Variants in ZNRF1 observed in about 807,000 individuals in gnomAD.
ZNRF1 encodes zinc and ring finger 1.
Under a neutral mutation model 18.4 loss-of-function variants are expected in ZNRF1, and 3 were observed. The observed-to-expected ratio is 0.16, with a 90% CI of 0.07 to 0.42. The LOEUF is 0.42. Among genes scored for constraint, ZNRF1 ranks in the 10% least tolerant of loss-of-function variants. ZNRF1 has a pLI of 0.99. For missense variants in ZNRF1, 310 were observed against 329.8 expected, an observed-to-expected ratio of 0.94 and a Z score of 0.47; for synonymous variants, 157 against 144.2, an observed-to-expected ratio of 1.09 and a Z score of -0.64.
Position 75,062,530 on chromosome 16 carries a change from CG to C in ZNRF1, c.425-31041del, listed in dbSNP as rs766573552. ...CACAGCAGCTTTGGCCGCATGCCCC[CG>C]AGCTCCCTTTGTCATCTATGTGTGT... is the stretch of plus-strand genomic sequence containing the variant. On this transcript the variant is annotated intron_variant, in intron 1 of 4. Coordinates refer to ENST00000335325, the MANE Select transcript of ZNRF1 (RefSeq NM_032268.5). Among the ~76,000 whole-genome samples the C allele has an allele frequency of 2.3e-4, 35 of 152,256 alleles. 1 individual carries two copies. The highest frequency in any genetic ancestry group is 4.6e-4 in the Admixed American group (7 of 15,288).
At chr16:75,021,558 AAGTGTTTTTATTTGTC>A (rs1334999916) in intron 1 of ZNRF1, among the ~76,000 whole-genome samples, 8 of 152,182 alleles carry the variant, frequency 5.3e-5, no homozygotes, top group African/African-American at 1.9e-4. Flanking sequence ...GCTTACCTAA[AAGTGTTTTTATTTGTC>A]ATAACCATTG....
chr16:75,087,798 A>G (rs1182473733), intron 1 of ZNRF1, among the ~76,000 whole-genome samples: 2 of 152,242 alleles, frequency 1.3e-5, no homozygotes, highest in Non-Finnish European at 2.9e-5. Flanking sequence ...AGGCTTGGCC[A>G]GCAAGCCCGA....
intron 2 of ZNRF1, chr16:75,095,608 A>G (rs2036188800): frequency 1.3e-6 from 2 of 1,547,092 alleles, no homozygotes; most frequent in Non-Finnish European, 1.7e-6. Flanking sequence ...GAAGAATACA[A>G]AGAAGCCTCA....
chr16:75,054,322 G>T (rs1172968727), intron 1 of ZNRF1, among the ~76,000 whole-genome samples: 2 of 152,232 alleles, frequency 1.3e-5, no homozygotes, highest in African/African-American at 4.8e-5. Context: ...GGGTACTCTT[G>T]TTCTAAAAGT....
intron 1 of ZNRF1, among the ~76,000 whole-genome samples, chr16:75,076,657 A>G (rs1366134797): frequency 6.8e-6 from 1 of 146,256 alleles, no homozygotes; most frequent in Non-Finnish European, 1.5e-5. Context: ...TTCCCAAGAG[A>G]GGATGCCATG....
chr16:75,049,475 C>T (rs1474979213), intron 1 of ZNRF1, among the ~76,000 whole-genome samples: 5 of 152,098 alleles, frequency 3.3e-5, no homozygotes, highest in Admixed American at 6.5e-5. Context: ...CACAGGTGTG[C>T]ACCACCACAC....
intron 1 of ZNRF1, among the ~76,000 whole-genome samples, chr16:75,067,493 T>C (rs551286708): frequency 6.6e-6 from 1 of 152,338 alleles, no homozygotes; most frequent in South Asian, 2.1e-4. Flanking sequence ...TTTGAAGAAA[T>C]CTTATTTTTA....
intron 1 of ZNRF1, among the ~76,000 whole-genome samples, chr16:75,082,001 G>T (rs1327562471): frequency 6.6e-6 from 1 of 152,184 alleles, no homozygotes; most frequent in Non-Finnish European, 1.5e-5. Flanking sequence ...AGTAGTTGGG[G>T]ACTTGATTCA....
rs138567755 is a variant in ZNRF1 at position 75,091,134 on chromosome 16, A to G, written c.425-2438A>G. On this transcript the variant is annotated intron_variant, in intron 1 of 4. Coordinates refer to ENST00000335325, the MANE Select transcript of ZNRF1 (RefSeq NM_032268.5). ...AGCACTTTGGGAAGCTCAGGCAGGT[A>G]GATCATCTGAGGTCAGGCATTTGAG... Among the ~76,000 whole-genome samples, 1,435 of 152,216 alleles carry G rather than the reference A, an allele frequency of 9.4e-3. 76 individuals carry two copies. The highest frequency in any genetic ancestry group is 0.079 in the Admixed American group (1,203 of 15,288).
intron 1 of ZNRF1, among the ~76,000 whole-genome samples, chr16:75,064,180 A>C (rs1198856743): frequency 2.6e-5 from 4 of 152,078 alleles, no homozygotes; most frequent in African/African-American, 9.7e-5. Context: ...GTGCACCTGT[A>C]GTCCCAGCTA....
chr16:75,068,159 A>G (rs1477249988), intron 1 of ZNRF1, among the ~76,000 whole-genome samples: 1 of 148,750 alleles, frequency 6.7e-6, no homozygotes, highest in African/African-American at 2.5e-5. Context: ...TTCAAGACCA[A>G]CCTGGTGAAA....
At chr16:75,061,402 T>C (rs1012810498) in intron 1 of ZNRF1, among the ~76,000 whole-genome samples, 1 of 152,180 alleles carries the variant, frequency 6.6e-6, no homozygotes, top group Non-Finnish European at 1.5e-5. Context: ...TGAGAACATA[T>C]GATGTTTATC....
Position 74,999,524 on chromosome 16 carries a change from T to G in ZNRF1, c.-148T>G. 1.7e-6 allele frequency: 1 copy of G among 576,070 alleles called. No individual in the cohort carries two copies. The highest frequency in any genetic ancestry group is 2.6e-6 in the Non-Finnish European group (1 of 385,318). 35.7% of individuals were successfully genotyped at this position (576,070 alleles called of 1,614,324 possible). On this transcript the variant is annotated 5_prime_UTR_variant, in exon 1 of 5. Coordinates refer to ENST00000335325, the MANE Select transcript of ZNRF1 (RefSeq NM_032268.5). ...CTTCCGCCCCGCGGGTTTTTTCCTT[T>G]TTTCCTTTTGCTTTTTTTCCTTTTC...
rs531068067 is a variant in ZNRF1 at position 75,002,719 on chromosome 16, C to G, written c.424+2624C>G. The stretch of plus-strand genomic sequence containing the variant: ...TTTAAAATAGTTGTGGTCACCCTCA[C>G]GAGCTCCAGCCTTGCTCCGCAAATC... On this transcript the variant is annotated intron_variant, in intron 1 of 4. Coordinates refer to ENST00000335325, the MANE Select transcript of ZNRF1 (RefSeq NM_032268.5). Among the ~76,000 whole-genome samples the G allele has an allele frequency of 9.2e-5, 14 of 152,326 alleles. No individual in the cohort carries two copies. The South Asian group carries it at 2.5e-3, about 27-fold the overall frequency.
intron 2 of ZNRF1, among the ~76,000 whole-genome samples, chr16:75,099,627 T>G (rs1447588598): frequency 6.6e-6 from 1 of 152,230 alleles, no homozygotes; most frequent in Admixed American, 6.5e-5. Flanking sequence ...AGAACCCAGA[T>G]GGCAGAAAGT....
chr16:75,034,071 T>G (rs1047659699), intron 1 of ZNRF1, among the ~76,000 whole-genome samples: 4 of 152,142 alleles, frequency 2.6e-5, no homozygotes, highest in African/African-American at 7.2e-5. Context: ...GCCAGGAGAA[T>G]TGCTTGAACC....
In ZNRF1 at chr16:75,108,453, T is replaced by C; in HGVS notation, c.*753T>C. On this transcript the variant is annotated 3_prime_UTR_variant, in exon 5 of 5. Transcript: ENST00000335325. ...CTTAGGCCCTCGTGGATTTTTTTTT[T>C]CAGAAAACTTAAACAAAAAAAGACT... The C allele has an allele frequency of 2.5e-6, 1 of 397,200 alleles. No homozygotes were observed. The highest frequency in any genetic ancestry group is 4.4e-6 in the Non-Finnish European group (1 of 225,404). The allele number at this position is 397,200 out of a possible 1,614,324, so 24.6% of individuals were successfully genotyped here.
chr16:75,086,528 C>A (rs977979331), intron 1 of ZNRF1, among the ~76,000 whole-genome samples: 2 of 152,196 alleles, frequency 1.3e-5, no homozygotes, highest in African/African-American at 4.8e-5. Context: ...TCACTTATTT[C>A]TGTGTTGACA....
intron 1 of ZNRF1, among the ~76,000 whole-genome samples, chr16:75,039,972 G>A (rs769662622): frequency 1.0e-4 from 15 of 149,120 alleles, no homozygotes; most frequent in Non-Finnish European, 1.6e-4. Context: ...CATTATAAAT[G>A]TACAATGAGA....
Sources: gnomAD v4.1 joint callset for allele counts (sites outside exome capture counted in the v4.1 genomes callset) on GRCh38, gnomAD v4.1.1 for gene constraint, MANE v1.5 for transcripts, NCBI Gene and HGNC (gene_info 2026-07-23, HGNC 2026-07-21) for gene names.